The following EPHB1 variants were observed in gnomAD, a reference collection of about 807,000 sequenced individuals.
EPHB1 encodes EPH receptor B1.
A neutral mutation model predicts 94.4 loss-of-function variants in EPHB1; 30 were observed. That is an observed-to-expected ratio of 0.32 (90% CI 0.24 to 0.43). EPHB1 has a LOEUF of 0.43. Ranked by LOEUF, EPHB1 falls within the 20% of genes least tolerant of loss-of-function variation. The pLI, the probability that EPHB1 is intolerant of heterozygous loss-of-function variation, is 1.00. For missense variants in EPHB1, 1,055 were observed against 1,308.3 expected (o/e 0.81, Z 2.99); for synonymous variants, 522 against 489.1 (o/e 1.07, Z -0.89).
At chr3:134,862,251 A>G (rs1205260476) in intron 1 of EPHB1, among the ~76,000 whole-genome samples, 1 of 152,108 alleles carries the variant, frequency 6.6e-6, no homozygotes, top group Non-Finnish European at 1.5e-5. Flanking sequence ...CAGTTGGTGC[A>G]GGTTTGGGGC....
intron 1 of EPHB1, among the ~76,000 whole-genome samples, chr3:134,813,576 G>C (rs578042247): frequency 3.1e-4 from 47 of 152,278 alleles, no homozygotes; most frequent in African/African-American, 8.7e-4. Flanking sequence ...CATTTGATAG[G>C]ACACTGTGAG....
intron 1 of EPHB1, among the ~76,000 whole-genome samples, chr3:134,836,983 T>G (rs1467909409): frequency 6.6e-6 from 1 of 152,248 alleles, no homozygotes; most frequent in East Asian, 1.9e-4. Context: ...GTGACTTTAG[T>G]TGACTTGGAT....
intron 1 of EPHB1, among the ~76,000 whole-genome samples, chr3:134,836,234 A>C (rs2036672296): frequency 6.6e-6 from 1 of 152,222 alleles, no homozygotes; most frequent in Non-Finnish European, 1.5e-5. Flanking sequence ...ATTTGACAGC[A>C]ACAGTCAATG....
chr3:135,030,712 C>A (rs1355249297), intron 3 of EPHB1, among the ~76,000 whole-genome samples: 1 of 152,240 alleles, frequency 6.6e-6, no homozygotes, highest in East Asian at 1.9e-4. Context: ...GTGGAGCCTA[C>A]AGAGGCAGGC....
At chr3:135,173,095 C>T (rs111391804) in intron 9 of EPHB1, among the ~76,000 whole-genome samples, 1,714 of 146,452 alleles carry the variant, frequency 0.012, 31 homozygotes, top group African/African-American at 0.041. Context: ...AGTGCAGTGG[C>T]GGGATCTCAG....
intron 3 of EPHB1, among the ~76,000 whole-genome samples, chr3:135,061,593 A>C (rs1336968194): frequency 6.7e-6 from 1 of 150,304 alleles, no homozygotes; most frequent in Non-Finnish European, 1.5e-5. Context: ...TATTTAGCAC[A>C]GTTTCTTTTT....
chr3:135,172,750 G>C (rs74320198), intron 9 of EPHB1, among the ~76,000 whole-genome samples: 2,906 of 152,344 alleles, frequency 0.019, 78 homozygotes, highest in African/African-American at 0.066. Flanking sequence ...GAGGAGGAAA[G>C]TCTCCTTGGT....
intron 1 of EPHB1, among the ~76,000 whole-genome samples, chr3:134,867,006 A>T (rs1294438887): frequency 6.6e-6 from 1 of 152,182 alleles, no homozygotes; most frequent in African/African-American, 2.4e-5. Flanking sequence ...TGAGCAGCCC[A>T]TCGTGTCACT....
At chr3:135,178,442 CA>C (rs1203522023) in intron 9 of EPHB1, among the ~76,000 whole-genome samples, 28 of 134,092 alleles carry the variant, frequency 2.1e-4, no homozygotes, top group African/African-American at 8.0e-4. Flanking sequence ...GCCTGGGCAA[CA>C]GAGCAAGACT....
intron 3 of EPHB1, among the ~76,000 whole-genome samples, chr3:134,986,711 AACACACACACACAC>A (rs60628273): frequency 2.7e-5 from 4 of 145,726 alleles, no homozygotes; most frequent in East Asian, 4.2e-4. Flanking sequence ...TAAAGATATT[AACACACACACACAC>A]ACACACACAC....
intron 4 of EPHB1, among the ~76,000 whole-genome samples, chr3:135,121,563 C>T (rs1322636668): frequency 6.6e-6 from 1 of 152,130 alleles, no homozygotes; most frequent in African/African-American, 2.4e-5. Flanking sequence ...ACAGCAAATG[C>T]CTTGGAGCCT....
chr3:134,835,362 A>C (rs2036654140), intron 1 of EPHB1, among the ~76,000 whole-genome samples: 2 of 152,236 alleles, frequency 1.3e-5, no homozygotes, highest in Admixed American at 6.5e-5. Flanking sequence ...TCTGTATTCC[A>C]GCCCACGTGA....
At chr3:134,835,827 C>T (rs1340165114) in intron 1 of EPHB1, among the ~76,000 whole-genome samples, 4 of 152,176 alleles carry the variant, frequency 2.6e-5, no homozygotes, top group East Asian at 1.9e-4. Flanking sequence ...CATTCTTGAC[C>T]CCACATTGTC....
At chr3:134,838,273 A>G (rs1028845764) in intron 1 of EPHB1, among the ~76,000 whole-genome samples, 1 of 152,156 alleles carries the variant, frequency 6.6e-6, no homozygotes, top group Non-Finnish European at 1.5e-5. Context: ...CCTAAGAGAT[A>G]ATTTAATCTG....
At chr3:135,031,090 G>A (rs1307943402) in intron 3 of EPHB1, among the ~76,000 whole-genome samples, 1 of 152,090 alleles carries the variant, frequency 6.6e-6, no homozygotes, top group African/African-American at 2.4e-5. Context: ...GCTCGTGCAC[G>A]GTGCGCGCAC....
intron 1 of EPHB1, among the ~76,000 whole-genome samples, chr3:134,829,040 T>C (rs1383997714): frequency 1.3e-5 from 2 of 152,216 alleles, no homozygotes; most frequent in Non-Finnish European, 2.9e-5. Context: ...CTTCCTTCTC[T>C]GAGTAGATGA....
At chr3:135,137,478 T>C (rs948477342) in intron 5 of EPHB1, among the ~76,000 whole-genome samples, 6 of 152,196 alleles carry the variant, frequency 3.9e-5, no homozygotes, top group African/African-American at 1.4e-4. Context: ...AACCCAAGTC[T>C]TACTGCCAAG....
At chr3:135,163,557 T>G (rs932921903) in intron 7 of EPHB1, among the ~76,000 whole-genome samples, 1 of 152,198 alleles carries the variant, frequency 6.6e-6, no homozygotes, top group Admixed American at 6.5e-5. Flanking sequence ...TTCTTTTTCC[T>G]TAAGGGCTCT....
intron 1 of EPHB1, among the ~76,000 whole-genome samples, chr3:134,826,205 T>C (rs1026236014): frequency 1.4e-5 from 2 of 145,130 alleles, no homozygotes; most frequent in African/African-American, 5.3e-5. Context: ...TGAGCTGAGA[T>C]TGTGCCACTG....
Sources: gnomAD v4.1 joint callset for allele counts (sites outside exome capture counted in the v4.1 genomes callset) on GRCh38, gnomAD v4.1.1 for gene constraint, MANE v1.5 for transcripts, NCBI Gene and HGNC (gene_info 2026-07-23, HGNC 2026-07-21) for gene names.